The following CCDC88C variants were observed in gnomAD, a reference collection of about 807,000 sequenced individuals.
CCDC88C encodes coiled-coil and HOOK domain protein 88C, also known as protein Daple.
Under a neutral mutation model 198.8 loss-of-function variants are expected in CCDC88C, and 131 were observed. The ratio of observed to expected loss-of-function variants is 0.66; its 90% CI spans 0.57 to 0.76. The LOEUF is 0.76. Among genes scored for constraint, CCDC88C ranks in the 30% least tolerant of loss-of-function variants. The pLI is 0.00. For missense variants in CCDC88C, 2,553 were observed against 2,631.6 expected, an observed-to-expected ratio of 0.97 and a Z score of 0.65; for synonymous variants, 1,166 against 1,114.7, an observed-to-expected ratio of 1.05 and a Z score of -0.92.
intron 20 of CCDC88C, among the ~76,000 whole-genome samples, chr14:91,301,560 T>A (rs533803437): frequency 7.0e-4 from 106 of 152,184 alleles, no homozygotes; most frequent in African/African-American, 2.4e-3. Context: ...TACTAAAAAA[T>A]ACAAAAATTA....
At chr14:91,285,085 G>A (rs1282871093) in intron 25 of CCDC88C, among the ~76,000 whole-genome samples, 2 of 152,138 alleles carry the variant, frequency 1.3e-5, no homozygotes, top group African/African-American at 2.4e-5. Flanking sequence ...GCTGAACTCT[G>A]TCTGGGCAAA....
At chr14:91,281,838 G>C (rs1275911687) in intron 26 of CCDC88C, among the ~76,000 whole-genome samples, 1 of 152,170 alleles carries the variant, frequency 6.6e-6, no homozygotes, top group African/African-American at 2.4e-5. Context: ...GAGTATCCTG[G>C]GGAGTCCTTT....
chr14:91,276,219 T>C (rs1051145565), intron 29 of CCDC88C, among the ~76,000 whole-genome samples: 3 of 152,222 alleles, frequency 2.0e-5, no homozygotes, highest in South Asian at 2.1e-4. Context: ...CTCAGACCCA[T>C]TGATTCAGAA....
At chr14:91,412,147 A>T (rs1458452911) in intron 2 of CCDC88C, among the ~76,000 whole-genome samples, 1 of 152,052 alleles carries the variant, frequency 6.6e-6, no homozygotes, top group African/African-American at 2.4e-5. Flanking sequence ...TGACACAGAG[A>T]GATATCCCTA....
At chr14:91,307,483 G>C (rs1349915385) in intron 17 of CCDC88C, among the ~76,000 whole-genome samples, 1 of 152,220 alleles carries the variant, frequency 6.6e-6, no homozygotes, top group Admixed American at 6.5e-5. Context: ...CCCTGCTTTA[G>C]CCATGTGGCT....
At position 91,339,740 on chromosome 14, in the gene CCDC88C, G is replaced by A. The variant is rs1893226784; in HGVS notation, c.624+144C>T. On this transcript the variant is annotated intron_variant, in intron 7 of 29. Transcript: ENST00000389857. This position sits in a 1 kb window ranked among gnomAD's most constrained non-coding sequence, Gnocchi z 5.8. ...GAGGTGACCATGCACTGCAGGGGCC[G>A]TAACCAGGGAAAGCACGCACGTCCC... is the stretch of plus-strand genomic sequence containing the variant. 1.1e-5 allele frequency: 12 copies of A among 1,084,702 alleles called. No individual in the cohort carries two copies. Among genetic ancestry groups the A allele is most frequent in the Admixed American group, 2.9e-5 (1 of 34,784 alleles). 67.2% of individuals were successfully genotyped at this position (1,084,702 alleles called of 1,614,324 possible).
At chr14:91,285,757 G>A in intron 25 of CCDC88C, 1 of 1,289,160 alleles carries the variant, frequency 7.8e-7, no homozygotes, top group Non-Finnish European at 1.0e-6. Flanking sequence ...GGCGTTTAGA[G>A]AGAGCTGGGT....
At chr14:91,364,873 T>C (rs372359456) in intron 3 of CCDC88C, among the ~76,000 whole-genome samples, 1 of 152,286 alleles carries the variant, frequency 6.6e-6, no homozygotes. Context: ...TAGAACCTGC[T>C]GGGGACAAAC....
At chr14:91,345,190 A>ATATATATATATATATATTTT (rs1246878587) in intron 4 of CCDC88C, among the ~76,000 whole-genome samples, 2 of 52,200 alleles carry the variant, frequency 3.8e-5, no homozygotes, top group African/African-American at 1.6e-4. Flanking sequence ...ATATATATAT[A>ATATATATATATATATATTTT]TTTTTTTTTT....
chr14:91,369,859 C>A (rs919470228), intron 3 of CCDC88C, among the ~76,000 whole-genome samples: 2 of 152,184 alleles, frequency 1.3e-5, no homozygotes, highest in East Asian at 1.9e-4. Context: ...AGCCCAGGAG[C>A]GCCGGCTCCC....
intron 21 of CCDC88C, among the ~76,000 whole-genome samples, chr14:91,299,623 A>G (rs1891180671): frequency 6.6e-6 from 1 of 152,234 alleles, no homozygotes; most frequent in Non-Finnish European, 1.5e-5. Flanking sequence ...TTCATGAGCA[A>G]GAGGCAGGCT....
chr14:91,300,223 G>A (rs1372694877), intron 20 of CCDC88C, among the ~76,000 whole-genome samples, 153 bp from the exon 21 acceptor site: 1 of 152,240 alleles, frequency 6.6e-6, no homozygotes, highest in African/African-American at 2.4e-5. Flanking sequence ...GCAGGGAACA[G>A]GCGGGGAGCG....
chr14:91,297,050 C>T (rs1891036637), intron 22 of CCDC88C, among the ~76,000 whole-genome samples: 1 of 152,188 alleles, frequency 6.6e-6, no homozygotes, highest in African/African-American at 2.4e-5. Flanking sequence ...CATCATCAAC[C>T]GTCCCCACTG....
At chr14:91,372,528 C>CA (rs1555426431) in intron 3 of CCDC88C, among the ~76,000 whole-genome samples, 1 of 24,534 alleles carries the variant, frequency 4.1e-5, no homozygotes, top group Non-Finnish European at 7.6e-5. Context: ...GGCAGTGGTG[C>CA]GGGGGGGGGC....
intron 3 of CCDC88C, among the ~76,000 whole-genome samples, chr14:91,392,747 A>ACTCTCACCG (rs1567118385): frequency 6.8e-5 from 10 of 147,494 alleles, no homozygotes; most frequent in African/African-American, 2.6e-4. Context: ...CACTCTCACC[A>ACTCTCACCG]CGCCCCTCAC....
chr14:91,334,910 C>T (rs1223050331), intron 10 of CCDC88C, among the ~76,000 whole-genome samples: 2 of 152,144 alleles, frequency 1.3e-5, no homozygotes, highest in African/African-American at 4.8e-5. Flanking sequence ...TAAGTTAAGT[C>T]CAACACACAC....
chr14:91,349,878 C>T lies in CCDC88C; in HGVS notation c.341-6221G>A, dbSNP rs140328112. Among the ~76,000 whole-genome samples, 4 of 152,346 alleles carry T rather than the reference C, an allele frequency of 2.6e-5. No homozygotes were observed. The East Asian group carries it at 7.7e-4, about 29-fold the overall frequency. On this transcript the variant is annotated intron_variant, in intron 4 of 29. Transcript: ENST00000389857. ...GAAAAGTAGTTGCACAATTAAAATA[C>T]ACCATCCTCTAAAATGTGCATTATA...
intron 4 of CCDC88C, among the ~76,000 whole-genome samples, chr14:91,350,562 A>G (rs1197891927): frequency 6.6e-6 from 1 of 152,196 alleles, no homozygotes; most frequent in African/African-American, 2.4e-5. Flanking sequence ...GCAGGCAAGC[A>G]TCCCTTTCCC....
At chr14:91,299,412 G>A (rs1329341224) in intron 21 of CCDC88C, among the ~76,000 whole-genome samples, 2 of 152,230 alleles carry the variant, frequency 1.3e-5, no homozygotes, top group Non-Finnish European at 2.9e-5. Context: ...TGCAGTAGGA[G>A]CTGAAACAAG....
Sources: gnomAD v4.1 joint callset for allele counts (sites outside exome capture counted in the v4.1 genomes callset) on GRCh38, gnomAD v4.1.1 for gene constraint, Gnocchi (gnomAD v3.1) non-coding constraint, MANE v1.5 for transcripts, NCBI Gene and HGNC (gene_info 2026-07-23, HGNC 2026-07-21) for gene names.